Variants in UAP1L1 observed in about 807,000 individuals in gnomAD.
UAP1L1 encodes the protein UDP-N-acetylglucosamine pyrophosphorylase 1 like 1.
Under a neutral mutation model 45.3 loss-of-function variants are expected in UAP1L1, and 45 were observed. The ratio of observed to expected loss-of-function variants is 0.99; its 90% CI spans 0.78 to 1.27. The LOEUF is 1.27. Ranked by LOEUF, UAP1L1 falls within the 50% of genes most tolerant of loss-of-function variation. The pLI is 0.00. For synonymous variants in UAP1L1, 323 were observed against 303.9 expected (o/e 1.06, Z -0.65); for missense variants, 667 against 694.0 (o/e 0.96, Z 0.44).
rs1554749365 is a variant in UAP1L1, at chr9:137,080,852, G to A, written c.1342G>A (p.Ala448Thr). 6.9e-6 allele frequency: 11 copies of A among 1,603,032 alleles called. No individual in the cohort carries two copies. Among genetic ancestry groups the A allele is most frequent in the Middle Eastern group, 1.7e-4 (1 of 5,796 alleles). Reference protein sequence around the residue: ...AGARFLDAHGAWLPELPSLPP... With the variant: ...AGARFLDAHGTWLPELPSLPP... ...GGCCCGCTTCCTGGATGCCCATGGG[G>A]CCTGGCTCCCAGAGCTGCCCAGGTG... Residue 448 changes from alanine (A) to threonine (T), a missense_variant, in exon 7 of 9, where the codon GCC (alanine) becomes ACC (threonine). Ala to Thr is a moderately conservative substitution (Grantham distance 58). Transcript: ENST00000409858.
Position 137,079,103 on chromosome 9 carries a change from C to G in UAP1L1, c.798C>G (p.Val266=), listed in dbSNP as rs1311249259. 6.2e-7 allele frequency: 1 copy of G among 1,611,874 alleles called. No homozygotes were observed. Among genetic ancestry groups the G allele is most frequent in the Non-Finnish European group, 8.5e-7 (1 of 1,179,662 alleles). The change falls in exon 4 of 9, where the codon GTC becomes GTG. Residue 266 remains valine (V), a synonymous_variant. Transcript: ENST00000409858. ...DNILVRLADP[V]FIGFCVLQGA... is the part of the protein sequence containing the mutation. ...TCCTGGTGCGGCTGGCGGACCCTGT[C>G]TTCATCGGCTTCTGTGTGTTGCAGG...
chr9:137,080,492 TGGAAATGGCTGCTGGGATTG>T, intron 6 of UAP1L1, 177 bp from the exon 7 acceptor site: 2 of 630,622 alleles, frequency 3.2e-6, no homozygotes, highest in Non-Finnish European at 5.4e-6. Context: ...CTTCGGCTGC[TGGAAATGGCTGCTGGGATTG>T]GGCCATCCCT....
rs1367515492 is a variant in UAP1L1, at chr9:137,078,239, G to T, written c.479G>T (p.Arg160Leu). 1 of 1,544,714 alleles carries T rather than the reference G, an allele frequency of 6.5e-7. No individual in the cohort carries two copies. Among genetic ancestry groups the T allele is most frequent in the Admixed American group, 2.0e-5 (1 of 50,798 alleles). Reference sequence around the variant, plus strand: ...CTGGCCGGTGAGCGCCACGGGACCCGCTGCACCGTCCCCTGGTGTGTCCTG... The same window carrying T: ...CTGGCCGGTGAGCGCCACGGGACCCTCTGCACCGTCCCCTGGTGTGTCCTG... ...EQLAGERHGT[R>L]CTVPWYVMTS... Residue 160 changes from arginine to leucine, a missense_variant, in exon 2 of 9, where the codon CGC (arginine) becomes CTC (leucine). Transcript: ENST00000409858.
At position 137,078,096 on chromosome 9, in the gene UAP1L1, T is replaced by TG. The variant is rs1305492853; in HGVS notation, c.342dup (p.Gln115AlafsTer41). 1 of 1,550,192 alleles carries TG rather than the reference T, an allele frequency of 6.5e-7. No individual in the cohort carries two copies. On this transcript the variant is annotated frameshift_variant, in exon 2 of 9. Transcript: ENST00000409858. LOFTEE classifies it high-confidence loss of function. The stretch of plus-strand genomic sequence containing the variant: ...ACAAGGTGGCCGTCCTGCTGCTGGC[T>TG]GGGGGGCAGGGCACTCGCCTGGGCG...
chr9:137,078,308 C>G (rs1350368774), intron 2 of UAP1L1, 54 bp downstream of exon 2: 5 of 1,512,294 alleles, frequency 3.3e-6, no homozygotes, highest in East Asian at 2.5e-5. Context: ...CACGCCCCCC[C>G]ACATCCCCGC....
chr9:137,079,768 G>T lies in UAP1L1; in HGVS notation c.1038-234G>T, dbSNP rs949672788. ...TGCTCTGGGGCTTGCCAGTTTGTTT[G>T]CCTGGGCAGGGATGTGGCTGATGGT... is the stretch of plus-strand genomic sequence containing the variant. On this transcript the variant is annotated intron_variant, in intron 5 of 8. Coordinates refer to ENST00000409858, the MANE Select transcript of UAP1L1 (RefSeq NM_207309.3). 2.3e-5 allele frequency: 14 copies of T among 611,392 alleles called. No homozygotes were observed. The African/African-American group carries it at 2.6e-4, about 11-fold the overall frequency. 37.9% of individuals were successfully genotyped at this position (611,392 alleles called of 1,614,324 possible). A position where few individuals can be genotyped will look rare whatever the true frequency, so the allele number is the denominator to read the frequency against.
intron 5 of UAP1L1, chr9:137,079,718 GCC>G: frequency 1.7e-6 from 1 of 584,840 alleles, no homozygotes; most frequent in East Asian, 2.9e-5. Context: ...CTGGGGACCT[GCC>G]CTGGTGCCCA....
intron 5 of UAP1L1, 100 bp downstream of exon 5, chr9:137,079,549 G>T: frequency 8.1e-7 from 1 of 1,232,906 alleles, no homozygotes; most frequent in Non-Finnish European, 1.1e-6. Flanking sequence ...GGCCACAGCG[G>T]CTGTGGTCAG....
At position 137,082,779 on chromosome 9, in the gene UAP1L1, C is replaced by T; in HGVS notation, c.*50C>T. 1.4e-6 allele frequency: 2 copies of T among 1,458,266 alleles called. No individual in the cohort carries two copies. The highest frequency in any genetic ancestry group is 1.9e-6 in the Non-Finnish European group (2 of 1,075,976). 90.3% of individuals were successfully genotyped at this position (1,458,266 alleles called of 1,614,324 possible). A position where few individuals can be genotyped will look rare whatever the true frequency, so the allele number is the denominator to read the frequency against. ...CCCCGAGACCTGCCAGCCCCGGCAT[C>T]CTGGAAGTCCCGACTCCCCCCAGAC... On this transcript the variant is annotated 3_prime_UTR_variant, in exon 9 of 9. Coordinates refer to ENST00000409858, the MANE Select transcript of UAP1L1 (RefSeq NM_207309.3). The surrounding 1 kb of genome is among the most constrained non-coding windows in gnomAD (Gnocchi z 5.7).
intron 2 of UAP1L1, 41 bp from the exon 3 acceptor site, chr9:137,078,461 C>T (rs1832729598): frequency 6.2e-7 from 1 of 1,611,898 alleles, no homozygotes. Flanking sequence ...GCCTGCAGGG[C>T]CAGGCGTACT....
At position 137,082,082 on chromosome 9, in the gene UAP1L1, C is replaced by T. The variant is rs964180989; in HGVS notation, c.1431+18C>T. On this transcript the variant is annotated intron_variant, in intron 8 of 8. Coordinates refer to ENST00000409858, the MANE Select transcript of UAP1L1 (RefSeq NM_207309.3). This position sits in a 1 kb window ranked among gnomAD's most constrained non-coding sequence, Gnocchi z 5.7. ...CTGGAGAGGTGAGAGCTGCCCATCC[C>T]TATCTGGGGCTTTTCTGGTGTCAGG... 24 of 1,613,136 alleles carry T rather than the reference C, an allele frequency of 1.5e-5. No homozygotes were observed. The highest frequency in any genetic ancestry group is 2.7e-5 in the African/African-American group (2 of 75,030).
Position 137,077,681 on chromosome 9 carries a change from G to T in UAP1L1, c.149G>T (p.Cys50Phe). Reference sequence around the variant, plus strand: ...GAGCCCGAGGCGCTGCGCGAGCACTGCCGGCGGGCGGCGGAGGCCTGCGCG... The same window carrying T: ...GAGCCCGAGGCGCTGCGCGAGCACTTCCGGCGGGCGGCGGAGGCCTGCGCG... ...LLEPEALREH[C>F]RRAAEACARP... The change falls in exon 1 of 9, where the codon TGC becomes TTC. Residue 50 changes from cysteine (C) to phenylalanine (F), a missense_variant. Cys to Phe is a radical substitution (Grantham distance 205, BLOSUM62 -2). Transcript: ENST00000409858. This position sits in a 1 kb window ranked among gnomAD's most constrained non-coding sequence, Gnocchi z 4.7. 8.6e-7 allele frequency: 1 copy of T among 1,163,284 alleles called. No homozygotes were observed. 72.1% of individuals were successfully genotyped at this position (1,163,284 alleles called of 1,614,324 possible).
Position 137,078,695 on chromosome 9 carries a change from G to A in UAP1L1, c.670+18G>A, listed in dbSNP as rs761699031. Reference sequence around the variant, plus strand: ...GGCCCCAGGTGTGGCCCGTTCCTGAGACGGGGAGGGACCGCCCAGACTAGA... The same window carrying A: ...GGCCCCAGGTGTGGCCCGTTCCTGAAACGGGGAGGGACCGCCCAGACTAGA... On this transcript the variant is annotated intron_variant, in intron 3 of 8. Transcript: ENST00000409858. 2.5e-6 allele frequency: 4 copies of A among 1,602,790 alleles called. No homozygotes were observed. The highest frequency in any genetic ancestry group is 1.1e-5 in the South Asian group (1 of 89,854).
At chr9:137,080,234 T>TGAGGGAGCC in intron 6 of UAP1L1, 92 bp downstream of exon 6, 1 of 1,539,058 alleles carries the variant, frequency 6.5e-7, no homozygotes, top group South Asian at 1.2e-5. Context: ...AGTAGAGGCT[T>TGAGGGAGCC]GAGGGAGCCA....
intron 7 of UAP1L1, 39 bp downstream of exon 7, chr9:137,080,913 G>T: frequency 6.7e-7 from 1 of 1,501,496 alleles, no homozygotes; most frequent in Non-Finnish European, 8.8e-7. Context: ...CAGAAGGGGA[G>T]GGCTGTCAGG....
Position 137,083,806 on chromosome 9 carries a change from T to A in UAP1L1, c.*1077T>A, listed in dbSNP as rs1832827871. 3 of 152,412 alleles carry A rather than the reference T, an allele frequency of 2.0e-5. No individual in the cohort carries two copies. The highest frequency in any genetic ancestry group is 2.0e-4 in the Admixed American group (3 of 15,308). The allele number at this position is 152,412 out of a possible 1,614,324, so 9.4% of individuals were successfully genotyped here. A position where few individuals can be genotyped will look rare whatever the true frequency, so the allele number is the denominator to read the frequency against. The stretch of plus-strand genomic sequence containing the variant: ...TGCTGACATGAAGAGAGCTATGATA[T>A]GCCACTGCTGCCAACTCATCCTCTG... On this transcript the variant is annotated 3_prime_UTR_variant, in exon 9 of 9. Coordinates refer to ENST00000409858, the MANE Select transcript of UAP1L1 (RefSeq NM_207309.3).
rs1832717323 is a variant in UAP1L1, at chr9:137,077,873, CG to C, written c.289+55del. 6.9e-7 allele frequency: 1 copy of C among 1,445,070 alleles called. No homozygotes were observed. Among genetic ancestry groups the C allele is most frequent in the African/African-American group, 1.4e-5 (1 of 69,868 alleles). The allele number at this position is 1,445,070 out of a possible 1,614,324, so 89.5% of individuals were successfully genotyped here. A position where few individuals can be genotyped will look rare whatever the true frequency, so the allele number is the denominator to read the frequency against. On this transcript the variant is annotated intron_variant, in intron 1 of 8. Transcript: ENST00000409858. This position sits in a 1 kb window ranked among gnomAD's most constrained non-coding sequence, Gnocchi z 4.7. ...CCGGCAGGGGGTCGTGCCCACGGAG[CG>C]GGTGGGAACCGAGGCCGCGCTCGGG...
In UAP1L1 at chr9:137,080,890, G is replaced by T; in HGVS notation, c.1364+16G>T. The T allele has an allele frequency of 6.4e-7, 1 of 1,556,802 alleles. No individual in the cohort carries two copies. On this transcript the variant is annotated intron_variant, in intron 7 of 8. Coordinates refer to ENST00000409858, the MANE Select transcript of UAP1L1 (RefSeq NM_207309.3). ...AGCTGCCCAGGTGAGTGTGGCCCTG[G>T]GGTAGCTACAGCCAGAAGGGGAGGG...
intron 5 of UAP1L1, chr9:137,079,731 G>T: frequency 3.4e-6 from 2 of 588,848 alleles, no homozygotes; most frequent in South Asian, 2.2e-5. Flanking sequence ...CTGGTGCCCA[G>T]GGTGCTACCT....
Sources: gnomAD v4.1 joint callset for allele counts on GRCh38, gnomAD v4.1.1 for gene constraint, Gnocchi (gnomAD v3.1) non-coding constraint, MANE v1.5 for transcripts, NCBI Gene and HGNC (gene_info 2026-07-23, HGNC 2026-07-21) for gene names.